Variants in SENP7 observed in about 807,000 individuals in gnomAD.
SENP7 encodes sentrin-specific protease 7.
SENP7 carries 64 observed loss-of-function variants against 141.2 expected under a neutral mutation model. The observed-to-expected ratio is 0.45, with a 90% CI of 0.37 to 0.56. The LOEUF is 0.56. Among genes scored for constraint, SENP7 ranks in the 20% least tolerant of loss-of-function variants. The pLI is 0.00. For missense variants in SENP7, 1,025 were observed against 1,212.2 expected, an observed-to-expected ratio of 0.85 and a Z score of 2.29; for synonymous variants, 382 against 426.4, an observed-to-expected ratio of 0.90 and a Z score of 1.28.
At chr3:101,390,976 A>C (rs542639080) in intron 6 of SENP7, among the ~76,000 whole-genome samples, 17 of 152,328 alleles carry the variant, frequency 1.1e-4, no homozygotes, top group Admixed American at 9.8e-4. Flanking sequence ...GAACTTAAAC[A>C]ACATGCTCCT....
intron 6 of SENP7, among the ~76,000 whole-genome samples, chr3:101,394,198 T>A (rs2060896385): frequency 6.6e-6 from 1 of 152,170 alleles, no homozygotes; most frequent in Non-Finnish European, 1.5e-5. Flanking sequence ...AGAGAGAACA[T>A]CCAACATTTA....
In SENP7 at chr3:101,417,665, G is replaced by A. The variant is rs372526867; in HGVS notation, c.410C>T (p.Ser137Leu). 9.3e-6 allele frequency: 15 copies of A among 1,613,858 alleles called. No individual in the cohort carries two copies. The highest frequency in any genetic ancestry group is 3.3e-5 in the South Asian group (3 of 91,076). ...ANKVQSDSLP[S>L]TSVDSLETCQ... Reference sequence around the variant, plus strand: ...TGTCTCTAGGCTGTCAACAGATGTCGAAGGCAATGAGTCTGATTGCACCTT... The same window carrying A: ...TGTCTCTAGGCTGTCAACAGATGTCAAAGGCAATGAGTCTGATTGCACCTT... Residue 137 changes from serine (S) to leucine (L), a missense_variant, in exon 5 of 24, where the codon TCG becomes TTG. Around this residue, in one of 4 missense-constraint regions of SENP7, gnomAD observed 496 missense variants for 503.5 expected, o/e 0.99. Transcript: ENST00000394095.
intron 11 of SENP7, chr3:101,357,382 T>C: frequency 1.4e-6 from 1 of 702,550 alleles, no homozygotes; most frequent in Non-Finnish European, 2.6e-6. Context: ...TCCTTGGTAT[T>C]GTTGTCTCTA....
chr3:101,360,451 A>G (rs1298539778), intron 11 of SENP7, among the ~76,000 whole-genome samples: 3 of 152,340 alleles, frequency 2.0e-5, no homozygotes, highest in African/African-American at 7.2e-5. Context: ...GTAAATATTT[A>G]TGTGTCTGTC....
In SENP7 at chr3:101,372,100, TCTA is replaced by T; in HGVS notation, c.701_703del (p.Val234del). 2 of 1,560,778 alleles carry T rather than the reference TCTA, an allele frequency of 1.3e-6. No individual in the cohort carries two copies. Among genetic ancestry groups the T allele is most frequent in the South Asian group, 2.4e-5 (2 of 81,884 alleles). ...CGCAGTCTGCTTTGCAGAATTGTCA[TCTA>T]CTGTCTTACTTCGTTGTGAGCCCCT... On this transcript the variant is annotated inframe_deletion, in exon 7 of 24. Coordinates refer to ENST00000394095, the MANE Select transcript of SENP7 (RefSeq NM_020654.5).
intron 16 of SENP7, 141 bp from the exon 17 acceptor site, chr3:101,337,772 T>A: frequency 1.4e-6 from 1 of 702,088 alleles, no homozygotes; most frequent in Non-Finnish European, 2.2e-6. Flanking sequence ...TGATTTCAGC[T>A]TTCAGTTTGG....
chr3:101,339,990 G>C, intron 16 of SENP7, 105 bp downstream of exon 16: 2 of 1,371,358 alleles, frequency 1.5e-6, no homozygotes, highest in Non-Finnish European at 1.9e-6. Flanking sequence ...AATCTTGGCA[G>C]GCTACTTTTA....
chr3:101,373,776 A>AT (rs1403722355), intron 6 of SENP7, among the ~76,000 whole-genome samples: 1 of 152,180 alleles, frequency 6.6e-6, no homozygotes, highest in Non-Finnish European at 1.5e-5. Flanking sequence ...CTCAATCCAA[A>AT]TAACAGTTTT....
At chr3:101,391,630 C>T (rs781713427) in intron 6 of SENP7, among the ~76,000 whole-genome samples, 39 of 152,196 alleles carry the variant, frequency 2.6e-4, no homozygotes, top group East Asian at 1.9e-4. Flanking sequence ...CAGGACTGGA[C>T]GGTTTTATTG....
chr3:101,431,554 T>C (rs945355408), intron 4 of SENP7, among the ~76,000 whole-genome samples: 54 of 146,210 alleles, frequency 3.7e-4, no homozygotes, highest in Non-Finnish European at 7.2e-4. Context: ...CTGGTAGATC[T>C]TCCTACATCA....
Position 101,328,626 on chromosome 3 carries a change from T to C in SENP7, c.2795+20A>G, listed in dbSNP as rs1464681778. 1 of 1,604,338 alleles carries C rather than the reference T, an allele frequency of 6.2e-7. No individual in the cohort carries two copies. The highest frequency in any genetic ancestry group is 8.5e-7 in the Non-Finnish European group (1 of 1,172,152). On this transcript the variant is annotated intron_variant, in intron 21 of 23. Transcript: ENST00000394095. ...CTAAATACCTCAAAAAACTGTATTA[T>C]TATTACAGCATGTACCTACCTTTTA...
intron 4 of SENP7, among the ~76,000 whole-genome samples, chr3:101,434,521 C>A (rs995171452): frequency 3.3e-5 from 5 of 151,980 alleles, no homozygotes; most frequent in South Asian, 2.1e-4. Flanking sequence ...AATTGACCAA[C>A]CTTTAGCCAA....
chr3:101,344,001 A>G, intron 13 of SENP7, 47 bp from the exon 14 acceptor site: 1 of 1,215,592 alleles, frequency 8.2e-7, no homozygotes, highest in Non-Finnish European at 1.1e-6. Context: ...ATTTTTCAAG[A>G]GGATTATAAT....
chr3:101,464,932 A>C (rs1452887992), intron 3 of SENP7, among the ~76,000 whole-genome samples: 1 of 152,184 alleles, frequency 6.6e-6, no homozygotes, highest in Non-Finnish European at 1.5e-5. Flanking sequence ...TGCTTATGTA[A>C]ATTTAATGTT....
intron 6 of SENP7, among the ~76,000 whole-genome samples, chr3:101,388,978 G>C (rs1411395215): frequency 1.3e-5 from 2 of 151,838 alleles, no homozygotes; most frequent in African/African-American, 4.8e-5. Context: ...AATGAAGAAA[G>C]CCTACATGAC....
intron 5 of SENP7, among the ~76,000 whole-genome samples, chr3:101,411,019 A>G (rs1005809748): frequency 1.3e-5 from 2 of 152,196 alleles, no homozygotes; most frequent in African/African-American, 4.8e-5. Flanking sequence ...CTTTGAAGTT[A>G]GACCAACATA....
intron 15 of SENP7, among the ~76,000 whole-genome samples, chr3:101,341,412 T>G (rs2059322616): frequency 6.6e-6 from 1 of 152,204 alleles, no homozygotes; most frequent in South Asian, 2.1e-4. Context: ...TTACCAAATA[T>G]GACACTTTGT....
intron 13 of SENP7, among the ~76,000 whole-genome samples, chr3:101,346,351 G>C (rs1021819146): frequency 2.6e-5 from 4 of 152,180 alleles, no homozygotes; most frequent in Non-Finnish European, 5.9e-5. Context: ...AGAGTGTGGA[G>C]ATTCCTTAAA....
At chr3:101,454,529 G>GA (rs1362893497) in intron 4 of SENP7, among the ~76,000 whole-genome samples, 1 of 151,716 alleles carries the variant, frequency 6.6e-6, no homozygotes, top group East Asian at 1.9e-4. Context: ...AAAAGAAAAA[G>GA]AAAAAAGAAA....
Sources: gnomAD v4.1 joint callset for allele counts (sites outside exome capture counted in the v4.1 genomes callset) on GRCh38, gnomAD v4.1.1 for gene constraint, gnomAD v4.1.1 regional missense constraint, MANE v1.5 for transcripts, NCBI Gene and HGNC (gene_info 2026-07-23, HGNC 2026-07-21) for gene names.